STIM2: variants seen among roughly 807,000 people sequenced by gnomAD.
The protein encoded by STIM2 is stromal interaction molecule 2.
In STIM2, 31 loss-of-function variants were observed where a neutral mutation model predicts 85.8. The observed-to-expected ratio is 0.36, with a 90% CI of 0.27 to 0.49. The LOEUF (loss-of-function observed/expected upper bound fraction) is 0.49, where lower values mean the gene tolerates loss of function less well. Among genes scored for constraint, STIM2 ranks in the 20% least tolerant of loss-of-function variants. STIM2 has a pLI of 0.98. For missense variants in STIM2, 841 were observed against 927.6 expected (o/e 0.91, Z 1.21); for synonymous variants, 356 against 331.1 (o/e 1.08, Z -0.82).
In STIM2 at chr4:26,980,921, A is replaced by T. The variant is rs909478211; in HGVS notation, c.398-14458A>T. 1.6e-4 allele frequency among the ~76,000 whole-genome samples: 24 copies of T among 152,182 alleles called. No homozygotes were observed. The East Asian group carries it at 1.9e-3, about 12-fold the overall frequency. On this transcript the variant is annotated intron_variant, in intron 3 of 11. Transcript: ENST00000467087. ...TTACATATTAGAAGCTTTACTTCTA[A>T]TATTGTGGATAAGGAGCCCTTCCTT...
At chr4:26,936,412 C>A (rs1725393297) in intron 2 of STIM2, among the ~76,000 whole-genome samples, 1 of 152,174 alleles carries the variant, frequency 6.6e-6, no homozygotes, top group African/African-American at 2.4e-5. Context: ...CTCAAAGCAA[C>A]CACAATAGAA....
intron 2 of STIM2, among the ~76,000 whole-genome samples, chr4:26,929,097 G>T (rs1036934707): frequency 5.3e-5 from 8 of 152,106 alleles, no homozygotes; most frequent in Middle Eastern, 3.4e-3. Context: ...TATATGAGAA[G>T]AATAATATTA....
intron 4 of STIM2, 32 bp from the exon 5 acceptor site, chr4:26,999,200 T>G: frequency 9.9e-7 from 1 of 1,005,756 alleles, no homozygotes; most frequent in East Asian, 2.9e-5. Context: ...TTAATATATA[T>G]ATATATGTGT....
intron 2 of STIM2, among the ~76,000 whole-genome samples, chr4:26,946,827 G>A (rs1045522542): frequency 2.6e-5 from 4 of 152,162 alleles, no homozygotes; most frequent in East Asian, 1.9e-4. Context: ...GGTCTCTTGT[G>A]TTATTTCCCT....
intron 10 of STIM2, among the ~76,000 whole-genome samples, chr4:27,011,647 C>T (rs879876238): frequency 2.0e-5 from 3 of 152,156 alleles, no homozygotes; most frequent in African/African-American, 7.2e-5. Context: ...TTTTGCAACT[C>T]GAATGCGTAT....
At chr4:26,869,251 A>C (rs1280459065) in intron 1 of STIM2, among the ~76,000 whole-genome samples, 1 of 148,022 alleles carries the variant, frequency 6.8e-6, no homozygotes, top group Non-Finnish European at 1.5e-5. Context: ...GCAAGCCCTG[A>C]TCAGGCCACT....
chr4:27,007,151 C>T (rs990390209), intron 7 of STIM2, among the ~76,000 whole-genome samples: 1 of 152,016 alleles, frequency 6.6e-6, no homozygotes, highest in African/African-American at 2.4e-5. Context: ...AAAATATGAT[C>T]AGTTTTAATT....
intron 3 of STIM2, among the ~76,000 whole-genome samples, chr4:26,981,216 G>A (rs531143114): frequency 3.9e-5 from 6 of 152,146 alleles, no homozygotes; most frequent in East Asian, 3.9e-4. Context: ...GTGAAATCTC[G>A]CTAATAAGTA....
intron 3 of STIM2, among the ~76,000 whole-genome samples, chr4:26,994,582 T>C (rs1727888858): frequency 6.6e-6 from 1 of 152,128 alleles, no homozygotes; most frequent in African/African-American, 2.4e-5. Context: ...ATTCTCCACA[T>C]TGAAGAACAA....
chr4:26,921,126 C>G (rs1724778861), intron 2 of STIM2, among the ~76,000 whole-genome samples: 1 of 152,054 alleles, frequency 6.6e-6, no homozygotes. Context: ...CATGTGGAGT[C>G]ACAGAACAGG....
At chr4:26,907,058 A>G (rs1003889581) in intron 1 of STIM2, among the ~76,000 whole-genome samples, 38 of 152,032 alleles carry the variant, frequency 2.5e-4, no homozygotes, top group Admixed American at 1.6e-3. Flanking sequence ...CATTTGGGAT[A>G]GTGGCTGAGT....
chr4:27,008,108 C>T (rs1728432005), intron 8 of STIM2: 1 of 676,572 alleles, frequency 1.5e-6, no homozygotes, highest in African/African-American at 1.8e-5. Context: ...TTAGTTCACT[C>T]ACTAGCACCA....
At chr4:27,001,450 C>T (rs1027196587) in intron 5 of STIM2, among the ~76,000 whole-genome samples, 2 of 152,132 alleles carry the variant, frequency 1.3e-5, no homozygotes, top group African/African-American at 2.4e-5. Context: ...CATATAGACA[C>T]CTAAAACTGA....
At chr4:26,900,164 A>G (rs1447448874) in intron 1 of STIM2, among the ~76,000 whole-genome samples, 1 of 152,224 alleles carries the variant, frequency 6.6e-6, no homozygotes, top group Non-Finnish European at 1.5e-5. Context: ...CACAGAAGCT[A>G]GAGAAACGCC....
Position 26,860,875 on chromosome 4 carries a change from C to G in STIM2, c.-344C>G. The G allele has an allele frequency of 1.1e-6, 1 of 903,622 alleles. No homozygotes were observed. The highest frequency in any genetic ancestry group is 1.4e-6 in the Non-Finnish European group (1 of 740,558). The allele number at this position is 903,622 out of a possible 1,614,324, so 56.0% of individuals were successfully genotyped here. ...GATCCCGGTCTCGCCGCAGCAGCAGCGCGGGTGTCGTGCACCGCCTGAAGA... is the reference window on the plus strand; with the variant it reads ...GATCCCGGTCTCGCCGCAGCAGCAGGGCGGGTGTCGTGCACCGCCTGAAGA... On this transcript the variant is annotated 5_prime_UTR_variant, in exon 1 of 12. Transcript: ENST00000467087.
At chr4:27,012,777 T>A (rs928130466) in intron 10 of STIM2, among the ~76,000 whole-genome samples, 2 of 151,732 alleles carry the variant, frequency 1.3e-5, no homozygotes, top group African/African-American at 4.8e-5. Context: ...CCAGGAAGTA[T>A]TTTTTTTAAT....
chr4:26,935,046 A>T (rs1035316813), intron 2 of STIM2, among the ~76,000 whole-genome samples: 3 of 152,206 alleles, frequency 2.0e-5, no homozygotes. Context: ...AACTTTTTAA[A>T]ATATCTTTTC....
At chr4:26,972,034 C>G (rs1008264373) in intron 3 of STIM2, among the ~76,000 whole-genome samples, 1 of 152,144 alleles carries the variant, frequency 6.6e-6, no homozygotes, top group African/African-American at 2.4e-5. Flanking sequence ...TGATTTGGCT[C>G]TCTGTTTGTC....
At position 27,007,708 on chromosome 4, in the gene STIM2, C is replaced by G. The variant is rs1348473784; in HGVS notation, c.1149+8C>G. 2 of 1,544,844 alleles carry G rather than the reference C, an allele frequency of 1.3e-6. No homozygotes were observed. Among genetic ancestry groups the G allele is most frequent in the South Asian group, 1.3e-5 (1 of 79,976 alleles). On this transcript the variant is annotated splice_region_variant and intron_variant, in intron 8 of 11. Transcript: ENST00000467087. ...GCTATTGCTAAAGATGAGGTACTCT[C>G]TTGTATTTCAAAATTTACTAAATTT... is the stretch of plus-strand genomic sequence containing the variant.
Sources: allele counts gnomAD v4.1 joint callset (sites outside exome capture counted in the v4.1 genomes callset), GRCh38; gene constraint gnomAD v4.1.1; transcripts MANE v1.5; gene names NCBI Gene and HGNC (gene_info 2026-07-23, HGNC 2026-07-21).